The following CLDN16 variants were observed in gnomAD, a reference collection of about 807,000 sequenced individuals.
CLDN16 encodes the protein claudin-16.
Under a neutral mutation model 24.6 loss-of-function variants are expected in CLDN16, and 13 were observed. The ratio of observed to expected loss-of-function variants is 0.53; its 90% CI spans 0.34 to 0.84. The LOEUF (loss-of-function observed/expected upper bound fraction) is 0.84, where lower values mean the gene tolerates loss of function less well. Among genes scored for constraint, CLDN16 ranks in the 40% least tolerant of loss-of-function variants. The probability of loss-of-function intolerance (pLI) is 0.01; values close to 1 mark genes in which losing one functional copy is unlikely to be tolerated. For missense variants in CLDN16, 298 were observed against 292.7 expected (o/e 1.02, Z -0.13); for synonymous variants, 116 against 106.7 (o/e 1.09, Z -0.54).
intron 1 of CLDN16, among the ~76,000 whole-genome samples, chr3:190,389,867 C>CA (rs558892002): frequency 2.3e-3 from 350 of 151,992 alleles, no homozygotes; most frequent in Admixed American, 4.1e-3. Flanking sequence ...TTTTAAAATA[C>CA]AAAAAAATGT....
Position 190,404,781 on chromosome 3 carries a change from A to G in CLDN16, c.237A>G (p.Arg79=). The G allele has an allele frequency of 6.2e-7, 1 of 1,613,992 alleles. No individual in the cohort carries two copies. The highest frequency in any genetic ancestry group is 8.5e-7 in the Non-Finnish European group (1 of 1,180,002). Residue 79 remains arginine (R), a synonymous_variant, in exon 3 of 5, where the codon CGA becomes CGG. Transcript: ENST00000264734. ...TTCCAGTGAAGCTGGTGGTAACTCG[A>G]GCGTTGATGATTACTGCAGATATTC... The part of the protein sequence containing the change: ...AEHPLKLVVT[R]ALMITADILA...
intron 1 of CLDN16, among the ~76,000 whole-genome samples, chr3:190,327,056 G>A (rs939848900): frequency 6.6e-6 from 1 of 151,258 alleles, no homozygotes; most frequent in Non-Finnish European, 1.5e-5. Context: ...GGAGAGAGAG[G>A]AGAGAGAGAG....
intron 1 of CLDN16, 75 bp from the exon 2 acceptor site, chr3:190,402,262 C>T: frequency 8.8e-7 from 1 of 1,141,426 alleles, no homozygotes; most frequent in Non-Finnish European, 1.3e-6. Context: ...CAACCACCAA[C>T]TTCTCTTTTT....
At chr3:190,292,055 C>T in the CLDN16 span, among the ~76,000 whole-genome samples, 1 of 152,088 alleles carries the variant, frequency 6.6e-6, no homozygotes, top group South Asian at 2.1e-4. Flanking sequence ...GTTTGTGGAC[C>T]TCTTCTCATA....
the CLDN16 span, chr3:190,310,313 A>G: frequency 9.7e-6 from 12 of 1,237,092 alleles, no homozygotes; most frequent in Non-Finnish European, 1.1e-5. Flanking sequence ...CTAAATACAC[A>G]ACCTGTTAAA....
rs137882210 is a variant in CLDN16, at chr3:190,402,429, G to A, written c.207G>A (p.Ala69=). The part of the protein sequence containing the change: ...RTCDEYDSIL[A]EHPLKLVVTR... The stretch of plus-strand genomic sequence containing the variant: ...GTGATGAGTACGATTCCATACTTGC[G>A]GAGCATCCCTGTACGTATGCCTTAG... Residue 69 remains alanine (A), a synonymous_variant, in exon 2 of 5, where the codon GCG becomes GCA. Transcript: ENST00000264734. The A allele has an allele frequency of 8.1e-6, 13 of 1,612,742 alleles. No homozygotes were observed. Among genetic ancestry groups the A allele is most frequent in the Admixed American group, 3.3e-5 (2 of 59,996 alleles).
At chr3:190,396,580 T>C (rs533226183) in intron 1 of CLDN16, among the ~76,000 whole-genome samples, 1 of 152,360 alleles carries the variant, frequency 6.6e-6, no homozygotes, top group South Asian at 2.1e-4. Flanking sequence ...TGTTTGTCTT[T>C]ATTATCGCTG....
chr3:190,333,843 A>G lies in CLDN16; in HGVS notation n.121+11182A>G, dbSNP rs16865396. 3.4e-3 allele frequency among the ~76,000 whole-genome samples: 516 copies of G among 152,238 alleles called. 6 individuals carry two copies. The highest frequency in any genetic ancestry group is 0.012 in the African/African-American group (499 of 41,542). ...GTATTATTTGCAAGGCACTGGAAAT[A>G]CTGTGATAAAAGGCACATACTTCAA... On this transcript the variant is annotated intron_variant and non_coding_transcript_variant, in intron 1 of 4. Transcript: ENST00000468220.
intron 1 of CLDN16, among the ~76,000 whole-genome samples, chr3:190,367,668 T>C (rs759010779): frequency 7.9e-5 from 12 of 152,128 alleles, no homozygotes; most frequent in East Asian, 1.9e-4. Flanking sequence ...TTCTGTTTTG[T>C]TGCCTTAACT....
At chr3:190,355,771 C>G (rs76762919) in intron 1 of CLDN16, among the ~76,000 whole-genome samples, 4,279 of 151,536 alleles carry the variant, frequency 0.028, 95 homozygotes, top group East Asian at 0.054. Context: ...GCCAGATTAC[C>G]CATATAAAAG....
chr3:190,327,979 C>A (rs562758909), intron 1 of CLDN16, among the ~76,000 whole-genome samples: 12 of 152,038 alleles, frequency 7.9e-5, no homozygotes, highest in Non-Finnish European at 1.5e-4. Flanking sequence ...AGTAGCAATG[C>A]GATGAAGATC....
chr3:190,328,675 T>TAA (rs200043866), intron 1 of CLDN16, among the ~76,000 whole-genome samples: 1,477 of 142,796 alleles, frequency 0.01, 27 homozygotes, highest in South Asian at 0.09. Flanking sequence ...ACATTCTACG[T>TAA]AAAAAAAAAA....
intron 1 of CLDN16, among the ~76,000 whole-genome samples, chr3:190,389,574 C>T (rs536833033): frequency 6.6e-6 from 1 of 152,204 alleles, no homozygotes; most frequent in South Asian, 2.1e-4. Flanking sequence ...CATTTCAAAA[C>T]CAATGGAGTT....
intron 1 of CLDN16, among the ~76,000 whole-genome samples, chr3:190,401,557 A>G (rs1718963223): frequency 1.3e-5 from 2 of 152,312 alleles, no homozygotes; most frequent in South Asian, 2.1e-4. Flanking sequence ...TAAGAAATCT[A>G]TTGTGACTTA....
At chr3:190,320,357 C>T (rs183094660), upstream of CLDN16, among the ~76,000 whole-genome samples, 10 of 152,138 alleles carry the variant, frequency 6.6e-5, no homozygotes, top group Admixed American at 3.3e-4. Flanking sequence ...AATTCCTTAA[C>T]GTGGTACCTA....
the CLDN16 span, among the ~76,000 whole-genome samples, chr3:190,305,129 G>C: frequency 2.6e-5 from 4 of 152,268 alleles, no homozygotes; most frequent in South Asian, 8.3e-4. Context: ...AATGATCTTT[G>C]CACCTCACCC....
chr3:190,409,030 G>A (rs1204400823), intron 4 of CLDN16, among the ~76,000 whole-genome samples: 1 of 151,056 alleles, frequency 6.6e-6, no homozygotes, highest in Non-Finnish European at 1.5e-5. Flanking sequence ...GGACATAGTT[G>A]TAGTTGTGGA....
chr3:190,408,424 T>C lies in CLDN16; in HGVS notation c.493T>C (p.Ser165Pro). 2 of 1,614,148 alleles carry C rather than the reference T, an allele frequency of 1.2e-6. No homozygotes were observed. Among genetic ancestry groups the C allele is most frequent in the Non-Finnish European group, 1.7e-6 (2 of 1,180,022 alleles). The stretch of plus-strand genomic sequence containing the variant: ...TGGTATCCAATATAAATTTGGTTGG[T>C]CCTGTTGGCTCGGAATGGCTGGGTC... ...FLGIQYKFGW[S>P]CWLGMAGSLG... is the part of the protein sequence containing the mutation. Residue 165 changes from serine (S) to proline (P), a missense_variant, in exon 4 of 5, where the codon TCC becomes CCC. By Grantham distance (74) the Ser-to-Pro change is moderately conservative. Coordinates refer to ENST00000264734, the MANE Select transcript of CLDN16 (RefSeq NM_006580.4).
At chr3:190,338,243 G>T in intron 1 of CLDN16, among the ~76,000 whole-genome samples, 1 of 152,118 alleles carries the variant, frequency 6.6e-6, no homozygotes, top group East Asian at 1.9e-4. Context: ...GGACACAAGA[G>T]TCTCATAGAA....
Sources: allele counts gnomAD v4.1 joint callset (sites outside exome capture counted in the v4.1 genomes callset), GRCh38; gene constraint gnomAD v4.1.1; transcripts MANE v1.5; gene names NCBI Gene and HGNC (gene_info 2026-07-23, HGNC 2026-07-21).